Variants in SLC25A21 observed in about 807,000 individuals in gnomAD.
The protein encoded by SLC25A21 is mitochondrial 2-oxodicarboxylate carrier.
A neutral mutation model predicts 43.8 loss-of-function variants in SLC25A21; 47 were observed. The ratio of observed to expected loss-of-function variants is 1.07; its 90% CI spans 0.85 to 1.37. The LOEUF is 1.37. Ranked by LOEUF, SLC25A21 falls within the 40% of genes most tolerant of loss-of-function variation. The pLI is 0.00. For missense variants in SLC25A21, 352 were observed against 350.2 expected, an observed-to-expected ratio of 1.00 and a Z score of -0.04; for synonymous variants, 131 against 121.3, an observed-to-expected ratio of 1.08 and a Z score of -0.52.
chr14:36,754,465 A>C (rs1054171153), intron 3 of SLC25A21, among the ~76,000 whole-genome samples: 10 of 152,218 alleles, frequency 6.6e-5, no homozygotes, highest in Non-Finnish European at 1.2e-4. Flanking sequence ...AAGGGAAGGG[A>C]AATAAGATTC....
intron 1 of SLC25A21, among the ~76,000 whole-genome samples, chr14:37,014,210 C>T (rs905992831): frequency 1.3e-5 from 2 of 152,094 alleles, no homozygotes; most frequent in Admixed American, 6.6e-5. Flanking sequence ...CTTCCTTTCA[C>T]AAAAGATTTT....
chr14:36,857,602 A>C (rs977143700), intron 2 of SLC25A21, among the ~76,000 whole-genome samples: 1 of 152,254 alleles, frequency 6.6e-6, no homozygotes, highest in African/African-American at 2.4e-5. Context: ...GTTTAAATTT[A>C]CTTTATCTCT....
intron 3 of SLC25A21, among the ~76,000 whole-genome samples, chr14:36,788,013 A>G (rs1234958135): frequency 6.6e-6 from 1 of 152,220 alleles, no homozygotes; most frequent in African/African-American, 2.4e-5. Flanking sequence ...AAACACTAAC[A>G]TAAAGCACAT....
chr14:36,748,900 G>A (rs148002770), intron 3 of SLC25A21, among the ~76,000 whole-genome samples: 4 of 152,304 alleles, frequency 2.6e-5, no homozygotes, highest in Admixed American at 6.5e-5. Flanking sequence ...CCAGATCAGT[G>A]TTAAATCAAG....
intron 1 of SLC25A21, among the ~76,000 whole-genome samples, chr14:37,156,620 G>A (rs1482531077): frequency 6.6e-6 from 1 of 151,420 alleles, no homozygotes; most frequent in Non-Finnish European, 1.5e-5. Context: ...AAGTGAGCAG[G>A]AGTAGCTACA....
chr14:36,839,294 C>T (rs765346797), intron 2 of SLC25A21, among the ~76,000 whole-genome samples: 1 of 152,194 alleles, frequency 6.6e-6, no homozygotes, highest in South Asian at 2.1e-4. Flanking sequence ...TTTGTATATT[C>T]TAGGGGGCAA....
intron 3 of SLC25A21, among the ~76,000 whole-genome samples, chr14:36,741,044 T>C (rs1028922353): frequency 2.0e-5 from 3 of 152,156 alleles, no homozygotes; most frequent in Admixed American, 6.5e-5. Flanking sequence ...TTCTGAAAAT[T>C]TGACTCAGGT....
At chr14:36,817,994 C>T (rs1002777722) in intron 2 of SLC25A21, among the ~76,000 whole-genome samples, 1 of 152,134 alleles carries the variant, frequency 6.6e-6, no homozygotes, top group African/African-American at 2.4e-5. Flanking sequence ...TTGAATACAA[C>T]TATTTATTAT....
intron 1 of SLC25A21, among the ~76,000 whole-genome samples, chr14:36,964,017 A>G (rs1460174706): frequency 1.3e-5 from 2 of 152,134 alleles, no homozygotes; most frequent in African/African-American, 4.8e-5. Context: ...AAGATTTCTT[A>G]TGCACATATA....
At chr14:36,880,150 T>C (rs142951993) in intron 1 of SLC25A21, among the ~76,000 whole-genome samples, 11 of 152,246 alleles carry the variant, frequency 7.2e-5, no homozygotes, top group African/African-American at 2.6e-4. Flanking sequence ...GCCAAAGGGA[T>C]GTAAGGGAAA....
At chr14:37,094,707 G>T (rs183067117) in intron 1 of SLC25A21, among the ~76,000 whole-genome samples, 110 of 150,272 alleles carry the variant, frequency 7.3e-4, no homozygotes, top group African/African-American at 2.4e-3. Flanking sequence ...ATTTTACAGG[G>T]TGCTCACTGA....
intron 3 of SLC25A21, among the ~76,000 whole-genome samples, chr14:36,794,648 A>G (rs1188712230): frequency 6.6e-6 from 1 of 152,096 alleles, no homozygotes; most frequent in African/African-American, 2.4e-5. Flanking sequence ...GCATGCCTGT[A>G]ATACCAGCTA....
chr14:36,993,266 T>A (rs551957851), intron 1 of SLC25A21, among the ~76,000 whole-genome samples: 17 of 152,182 alleles, frequency 1.1e-4, no homozygotes, highest in Non-Finnish European at 2.4e-4. Flanking sequence ...ATGAGTGGTG[T>A]CATTGGAGAA....
In SLC25A21 at chr14:36,874,940, T is replaced by C. The variant is rs1442495587; in HGVS notation, c.119+16A>G. On this transcript the variant is annotated intron_variant, in intron 2 of 9. Transcript: ENST00000331299. ...ATTAGCCAAAGTCAATAAAACTTGT[T>C]CATGCAGAACCTTACCTGGTTTTCA... The C allele has an allele frequency of 6.2e-7, 1 of 1,605,276 alleles. No individual in the cohort carries two copies. Among genetic ancestry groups the C allele is most frequent in the Admixed American group, 1.7e-5 (1 of 58,984 alleles).
chr14:37,018,665 T>C (rs1164100739), intron 1 of SLC25A21, among the ~76,000 whole-genome samples: 1 of 152,000 alleles, frequency 6.6e-6, no homozygotes, highest in Non-Finnish European at 1.5e-5. Context: ...TGATTTCTTG[T>C]CTACTCTTGC....
chr14:36,728,561 G>C (rs974573271), intron 5 of SLC25A21, among the ~76,000 whole-genome samples: 2 of 152,282 alleles, frequency 1.3e-5, no homozygotes, highest in South Asian at 4.1e-4. Context: ...TCTTGTATAG[G>C]CAAGGGCTGG....
chr14:37,071,360 T>A (rs1962166216), intron 1 of SLC25A21, among the ~76,000 whole-genome samples: 1 of 152,228 alleles, frequency 6.6e-6, no homozygotes, highest in African/African-American at 2.4e-5. Context: ...TTATTAGTTA[T>A]TAAATTCCAG....
intron 1 of SLC25A21, among the ~76,000 whole-genome samples, chr14:37,068,713 TTA>T (rs1243593189): frequency 6.6e-6 from 1 of 152,198 alleles, no homozygotes; most frequent in Admixed American, 6.5e-5. Flanking sequence ...AAGAATGTAT[TTA>T]TACAAATTGA....
Position 36,789,696 on chromosome 14 carries a change from C to CATATATATTTTATATATTT in SLC25A21, c.203+24203_203+24221dup, listed in dbSNP as rs1471373825. On this transcript the variant is annotated intron_variant, in intron 3 of 9. Transcript: ENST00000331299. ...TCTTGTTACTGTAATCACACACACA[C>CATATATATTTTATATATTT]ATATATATTTTATATATTTATATAT... 9.1e-5 allele frequency among the ~76,000 whole-genome samples: 10 copies of CATATATATTTTATATATTT among 109,300 alleles called. 1 individual carries two copies. Among genetic ancestry groups the CATATATATTTTATATATTT allele is most frequent in the Non-Finnish European group, 1.5e-4 (8 of 53,330 alleles). The allele number at this position is 109,300 out of a possible 152,430, so 71.7% of individuals were successfully genotyped here. A position where few individuals can be genotyped will look rare whatever the true frequency, so the allele number is the denominator to read the frequency against.
Sources: allele counts gnomAD v4.1 joint callset (sites outside exome capture counted in the v4.1 genomes callset), GRCh38; gene constraint gnomAD v4.1.1; transcripts MANE v1.5; gene names NCBI Gene and HGNC (gene_info 2026-07-23, HGNC 2026-07-21).